The following ROBO1 variants were observed in gnomAD, a reference collection of about 807,000 sequenced individuals.
ROBO1 encodes roundabout homolog 1.
A neutral mutation model predicts 195.9 loss-of-function variants in ROBO1; 149 were observed. That is an observed-to-expected ratio of 0.76 (90% CI 0.67 to 0.87). The LOEUF (loss-of-function observed/expected upper bound fraction) is 0.87. ROBO1 is among the 40% of genes least tolerant of loss of function. The probability of loss-of-function intolerance (pLI) is 0.00; values close to 1 mark genes in which losing one functional copy is unlikely to be tolerated. For synonymous variants in ROBO1, 816 were observed against 733.2 expected, an observed-to-expected ratio of 1.11 and a Z score of -1.82; for missense variants, 1,933 against 2,068.3, an observed-to-expected ratio of 0.93 and a Z score of 1.27.
intron 16 of ROBO1, chr3:78,660,766 A>C (rs551208368): frequency 1.6e-5 from 5 of 303,236 alleles, no homozygotes; most frequent in South Asian, 2.9e-4. Flanking sequence ...AGTTCTGAAT[A>C]ATTAAATTTC....
intron 2 of ROBO1, among the ~76,000 whole-genome samples, chr3:79,461,174 T>C (rs1937622256): frequency 6.6e-6 from 1 of 152,130 alleles, no homozygotes; most frequent in African/African-American, 2.4e-5. Flanking sequence ...TTGGCAATTA[T>C]CGAATCATAA....
chr3:79,712,931 A>AT (rs368677632), intron 1 of ROBO1, among the ~76,000 whole-genome samples: 16 of 151,878 alleles, frequency 1.1e-4, no homozygotes, highest in East Asian at 5.8e-4. Flanking sequence ...TTTACTGAGT[A>AT]TTTTTTTTAT....
intron 2 of ROBO1, among the ~76,000 whole-genome samples, chr3:79,574,503 T>C (rs1175277262): frequency 6.6e-6 from 1 of 152,018 alleles, no homozygotes; most frequent in Non-Finnish European, 1.5e-5. Flanking sequence ...TAGCCTAACA[T>C]AACTAATATC....
chr3:78,690,042 T>C (rs2081137079), intron 8 of ROBO1, among the ~76,000 whole-genome samples: 1 of 148,516 alleles, frequency 6.7e-6, no homozygotes, highest in Non-Finnish European at 1.5e-5. Flanking sequence ...ATTTTATAAA[T>C]TTATAAATTT....
chr3:78,776,234 A>G (rs1290130382), intron 4 of ROBO1, among the ~76,000 whole-genome samples: 2 of 147,202 alleles, frequency 1.4e-5, no homozygotes, highest in African/African-American at 4.9e-5. Flanking sequence ...ACTTGTGAAG[A>G]AATTCTTATT....
intron 4 of ROBO1, among the ~76,000 whole-genome samples, chr3:78,849,870 A>T (rs577794121): frequency 2.0e-3 from 300 of 150,736 alleles, no homozygotes; most frequent in Non-Finnish European, 3.5e-3. Flanking sequence ...ACACACACAC[A>T]CTCTTATAGT....
intron 2 of ROBO1, among the ~76,000 whole-genome samples, chr3:79,296,675 C>G (rs1398833816): frequency 3.9e-5 from 6 of 152,166 alleles, no homozygotes; most frequent in Admixed American, 2.0e-4. Context: ...CAAATTTCAA[C>G]ATGGAATTTC....
chr3:79,525,114 G>A (rs1941372816), intron 2 of ROBO1, among the ~76,000 whole-genome samples: 1 of 151,226 alleles, frequency 6.6e-6, no homozygotes. Context: ...TTTCTTTAAT[G>A]AAAAAGATCC....
chr3:79,711,948 A>G lies in ROBO1; in HGVS notation c.-51+55804T>C, dbSNP rs570901963. 1.8e-3 allele frequency among the ~76,000 whole-genome samples: 279 copies of G among 151,870 alleles called. 1 individual carries two copies. Among genetic ancestry groups the G allele is most frequent in the African/African-American group, 6.4e-3 (263 of 41,352 alleles). On this transcript the variant is annotated intron_variant, in intron 1 of 30. Transcript: ENST00000464233. Reference sequence around the variant, plus strand: ...GCGGGTGGGTGGGGGAGCACTATGAACTTTGCCCGTATAGGACAGGAAGCT... The same window carrying G: ...GCGGGTGGGTGGGGGAGCACTATGAGCTTTGCCCGTATAGGACAGGAAGCT...
At chr3:79,684,821 G>A (rs1048666530) in intron 1 of ROBO1, among the ~76,000 whole-genome samples, 1 of 151,844 alleles carries the variant, frequency 6.6e-6, no homozygotes, top group African/African-American at 2.4e-5. Flanking sequence ...GACTATAGGT[G>A]CACGCTGCCA....
rs1491396166 is a variant in ROBO1 at position 78,637,983 on chromosome 3, TTG to T, written c.3037+1759_3037+1760del. Among the ~76,000 whole-genome samples the T allele has an allele frequency of 8.4e-3, 1,137 of 134,678 alleles. 27 individuals carry two copies. The highest frequency in any genetic ancestry group is 0.034 in the African/African-American group (1,087 of 32,048). The allele number at this position is 134,678 out of a possible 152,430, so 88.4% of individuals were successfully genotyped here. On this transcript the variant is annotated intron_variant, in intron 22 of 30. Coordinates refer to ENST00000464233, the MANE Select transcript of ROBO1 (RefSeq NM_002941.4). ...TATATTGGCAATATTGGGTTTTTTT[TTG>T]GGGGGGGGAGGGGTTGTTTGGTAAG...
intron 2 of ROBO1, among the ~76,000 whole-genome samples, chr3:79,568,583 T>A (rs1183440014): frequency 6.6e-6 from 1 of 151,874 alleles, no homozygotes; most frequent in Non-Finnish European, 1.5e-5. Context: ...GTGAATCTAC[T>A]TTAGGACAGT....
At chr3:79,397,411 G>A (rs550733455) in intron 2 of ROBO1, among the ~76,000 whole-genome samples, 4 of 151,980 alleles carry the variant, frequency 2.6e-5, no homozygotes, top group Non-Finnish European at 4.4e-5. Context: ...AGCATCTGTC[G>A]TATTGGACAA....
intron 1 of ROBO1, among the ~76,000 whole-genome samples, chr3:79,765,899 T>C (rs1041860987): frequency 1.3e-5 from 2 of 152,054 alleles, no homozygotes; most frequent in Non-Finnish European, 2.9e-5. Context: ...CTCCCACCAC[T>C]ACTTGGAAAC....
chr3:78,828,585 A>G (rs1004158560), intron 4 of ROBO1, among the ~76,000 whole-genome samples: 3 of 152,242 alleles, frequency 2.0e-5, no homozygotes, highest in African/African-American at 7.2e-5. Context: ...CAAAGAAATG[A>G]AAATTTTCTA....
At chr3:78,732,390 C>T (rs1184878107) in intron 5 of ROBO1, among the ~76,000 whole-genome samples, 1 of 152,038 alleles carries the variant, frequency 6.6e-6, no homozygotes, top group East Asian at 1.9e-4. Flanking sequence ...GGCCATTAGT[C>T]CATGTAACTG....
rs117831343 is a variant in ROBO1 at position 79,217,185 on chromosome 3, T to C, written c.89-91646A>G. Among the ~76,000 whole-genome samples the C allele has an allele frequency of 7.5e-4, 114 of 152,212 alleles. 4 individuals carry two copies. The East Asian group carries it at 0.018, about 23-fold the overall frequency. On this transcript the variant is annotated intron_variant, in intron 2 of 30. Transcript: ENST00000464233. The stretch of plus-strand genomic sequence containing the variant: ...TAATCCTAGTGGATGAAAATATTTT[T>C]CATTTGTCACAGTGACACGTGCTAT...
chr3:79,154,259 G>T (rs904515375), intron 2 of ROBO1, among the ~76,000 whole-genome samples: 6 of 151,636 alleles, frequency 4.0e-5, no homozygotes, highest in Non-Finnish European at 8.9e-5. Context: ...TTACAATCTT[G>T]GTTAATGCTC....
intron 2 of ROBO1, among the ~76,000 whole-genome samples, chr3:79,449,457 T>G (rs2107186292): frequency 6.7e-6 from 1 of 148,262 alleles, no homozygotes; most frequent in African/African-American, 2.5e-5. Flanking sequence ...AGGAGCTTAT[T>G]AAAAAAGAAT....
Sources: allele counts gnomAD v4.1 joint callset (sites outside exome capture counted in the v4.1 genomes callset), GRCh38; gene constraint gnomAD v4.1.1; transcripts MANE v1.5; gene names NCBI Gene and HGNC (gene_info 2026-07-23, HGNC 2026-07-21).